Variants in MDH1B observed in about 807,000 individuals in gnomAD.
The protein encoded by MDH1B is malate dehydrogenase 1B.
MDH1B carries 60 observed loss-of-function variants against 61.4 expected under a neutral mutation model. The observed-to-expected ratio is 0.98, with a 90% confidence interval of 0.79 to 1.21. The LOEUF is 1.21. Among genes scored for constraint, MDH1B ranks in the 50% most tolerant of loss-of-function variants. The pLI is 0.00. For missense variants in MDH1B, 587 were observed against 632.1 expected (o/e 0.93, Z 0.76); for synonymous variants, 236 against 218.7 (o/e 1.08, Z -0.70).
chr2:206,738,318 C>A lies in MDH1B; in HGVS notation c.*165G>T. ...ATACAAGTAATGCAAAATGACGGAA[C>A]TCTGACCTCTGTGCTGTCACAGTGA... is the stretch of plus-strand genomic sequence containing the variant. On this transcript the variant is annotated 3_prime_UTR_variant, in exon 12 of 12. Transcript: ENST00000374412. The A allele has an allele frequency of 2.2e-6, 1 of 461,302 alleles. No homozygotes were observed. Among genetic ancestry groups the A allele is most frequent in the East Asian group, 3.4e-5 (1 of 29,014 alleles). 28.6% of individuals were successfully genotyped at this position (461,302 alleles called of 1,614,324 possible). A position where few individuals can be genotyped will look rare whatever the true frequency, so the allele number is the denominator to read the frequency against.
At chr2:206,753,971 ATATAAT>A (rs371157052) in intron 5 of MDH1B, among the ~76,000 whole-genome samples, 126 of 152,124 alleles carry the variant, frequency 8.3e-4, no homozygotes, top group African/African-American at 2.6e-3. Flanking sequence ...CTGTCTACAC[ATATAAT>A]TATAAGGTTG....
chr2:206,762,244 A>G (rs538297660), intron 1 of MDH1B, among the ~76,000 whole-genome samples: 3 of 152,170 alleles, frequency 2.0e-5, no homozygotes, highest in Non-Finnish European at 4.4e-5. Context: ...ATCAGAACAC[A>G]ACAGACAACT....
intron 4 of MDH1B, among the ~76,000 whole-genome samples, chr2:206,756,196 G>GATGT (rs1688750935): frequency 6.6e-6 from 1 of 152,196 alleles, no homozygotes; most frequent in Non-Finnish European, 1.5e-5. Flanking sequence ...ATCTAAAGAA[G>GATGT]ATGTGATAGT....
chr2:206,742,950 T>C (rs1687899704), intron 9 of MDH1B, among the ~76,000 whole-genome samples: 1 of 152,020 alleles, frequency 6.6e-6, no homozygotes, highest in African/African-American at 2.4e-5. Context: ...CTCCTGACTT[T>C]GTGATCTGCC....
intron 5 of MDH1B, among the ~76,000 whole-genome samples, chr2:206,754,791 TATTG>T (rs1474064832): frequency 6.6e-6 from 1 of 152,190 alleles, no homozygotes; most frequent in African/African-American, 2.4e-5. Context: ...ATTAAATATT[TATTG>T]ATTTTTATAA....
At chr2:206,754,172 G>C (rs183948150) in intron 5 of MDH1B, among the ~76,000 whole-genome samples, 1 of 152,224 alleles carries the variant, frequency 6.6e-6, no homozygotes, top group African/African-American at 2.4e-5. Flanking sequence ...ATAATGTTAG[G>C]GGTTCACTGA....
At chr2:206,745,730 C>CA (rs1688067775) in intron 8 of MDH1B, 57 bp from the exon 9 acceptor site, 1 of 747,926 alleles carries the variant, frequency 1.3e-6, no homozygotes, top group Non-Finnish European at 2.0e-6. Flanking sequence ...CTTAATTCTT[C>CA]TTTTTTTTTT....
intron 9 of MDH1B, among the ~76,000 whole-genome samples, chr2:206,743,880 T>C (rs1358275897): frequency 6.6e-6 from 1 of 152,174 alleles, no homozygotes; most frequent in Non-Finnish European, 1.5e-5. Context: ...ATTCTTGATA[T>C]TTCCACATCC....
chr2:206,739,460 G>C (rs1687684402), intron 11 of MDH1B, 133 bp downstream of exon 11: 1 of 786,736 alleles, frequency 1.3e-6, no homozygotes. Flanking sequence ...AGCAACCAAG[G>C]CTGGGTCCCT....
rs748168427 is a variant in MDH1B at position 206,755,446 on chromosome 2, C to T, written c.473G>A (p.Gly158Glu). The T allele has an allele frequency of 6.2e-7, 1 of 1,614,124 alleles. No individual in the cohort carries two copies. Among genetic ancestry groups the T allele is most frequent in the Non-Finnish European group, 8.5e-7 (1 of 1,179,992 alleles). Reference protein sequence around the residue: ...IPILTSGEVFGMHTEISITLF... With the variant: ...IPILTSGEVFEMHTEISITLF... The stretch of plus-strand genomic sequence containing the variant: ...AGTTATGCTAATTTCTGTATGCATC[C>T]CAAACACTTCGCCACTCGTCAATAT... Residue 158 changes from glycine to glutamate, a missense_variant, in exon 5 of 12, where the codon GGG becomes GAG. Transcript: ENST00000374412.
intron 9 of MDH1B, among the ~76,000 whole-genome samples, chr2:206,742,515 T>G (rs1007823630): frequency 6.6e-6 from 1 of 152,108 alleles, no homozygotes; most frequent in African/African-American, 2.4e-5. Context: ...CTGTGCTGCC[T>G]GAGGCAAGAG....
intron 2 of MDH1B, 77 bp downstream of exon 2, chr2:206,760,824 T>C (rs1689047440): frequency 2.5e-6 from 2 of 806,914 alleles, no homozygotes; most frequent in Admixed American, 3.8e-5. Flanking sequence ...GCCAGTCTAA[T>C]ACACCAGTTA....
At chr2:206,747,302 C>T (rs1002730316) in intron 7 of MDH1B, among the ~76,000 whole-genome samples, 6 of 152,178 alleles carry the variant, frequency 3.9e-5, no homozygotes, top group African/African-American at 1.4e-4. Flanking sequence ...GCCTTATGGG[C>T]AGACAAGGTC....
chr2:206,745,523 T>C, intron 9 of MDH1B, 99 bp downstream of exon 9: 2 of 903,410 alleles, frequency 2.2e-6, no homozygotes, highest in South Asian at 1.6e-5. Flanking sequence ...TGACAAAATA[T>C]AAATGAGAGT....
intron 5 of MDH1B, among the ~76,000 whole-genome samples, chr2:206,754,653 T>C (rs1231855193): frequency 6.6e-6 from 1 of 152,180 alleles, no homozygotes; most frequent in Non-Finnish European, 1.5e-5. Flanking sequence ...GGGTGGGAAG[T>C]AGGGCAGAGC....
At chr2:206,745,091 C>G (rs931981997) in intron 9 of MDH1B, among the ~76,000 whole-genome samples, 4 of 151,734 alleles carry the variant, frequency 2.6e-5, no homozygotes, top group African/African-American at 9.7e-5. Context: ...GACTGGTATC[C>G]TTAGAGAGAA....
rs1688683371 is a variant in MDH1B, at chr2:206,755,182, T to G, written c.737A>C (p.Asn246Thr). The part of the protein sequence containing the change: ...CRLYGYLIEK[N>T]AHESVRVIVG... The stretch of plus-strand genomic sequence containing the variant: ...GATGACTCTGACAGACTCATGAGCA[T>G]TTTTCTCTATCAGGTACCCATAGAG... The change falls in exon 5 of 12, where the codon AAT (asparagine) becomes ACT (threonine). Residue 246 changes from asparagine to threonine, a missense_variant. Transcript: ENST00000374412. 6.2e-7 allele frequency: 1 copy of G among 1,614,176 alleles called. No individual in the cohort carries two copies. The highest frequency in any genetic ancestry group is 8.5e-7 in the Non-Finnish European group (1 of 1,180,032).
chr2:206,739,279 G>T (rs534010012), intron 11 of MDH1B, among the ~76,000 whole-genome samples: 1 of 152,176 alleles, frequency 6.6e-6, no homozygotes, highest in South Asian at 2.1e-4. Context: ...AGTTGGGAGT[G>T]GTGATGCATG....
intron 9 of MDH1B, among the ~76,000 whole-genome samples, chr2:206,744,604 T>G (rs1687990151): frequency 6.6e-6 from 1 of 152,070 alleles, no homozygotes; most frequent in Non-Finnish European, 1.5e-5. Context: ...AAATCTGGTG[T>G]TGTGAGTTGA....
Sources: allele counts gnomAD v4.1 joint callset (sites outside exome capture counted in the v4.1 genomes callset), GRCh38; gene constraint gnomAD v4.1.1; transcripts MANE v1.5; gene names NCBI Gene and HGNC (gene_info 2026-07-23, HGNC 2026-07-21).